DLC1: variants seen among roughly 807,000 people sequenced by gnomAD.
The protein encoded by DLC1 is rho GTPase-activating protein 7.
DLC1 carries 54 observed loss-of-function variants against 140.3 expected under a neutral mutation model. The observed-to-expected ratio is 0.38, with a 90% CI of 0.31 to 0.48. DLC1 has a LOEUF of 0.48. Among genes scored for constraint, DLC1 ranks in the 20% least tolerant of loss-of-function variants. The pLI is 0.96. For synonymous variants in DLC1, 986 were observed against 728.1 expected, an observed-to-expected ratio of 1.35 and a Z score of -5.70; for missense variants, 2,536 against 1,907.0, an observed-to-expected ratio of 1.33 and a Z score of -6.14.
At position 13,349,164 on chromosome 8, in the gene DLC1, G is replaced by A. The variant is rs548839029; in HGVS notation, c.1315-43862C>T. 1.5e-4 allele frequency among the ~76,000 whole-genome samples: 23 copies of A among 152,274 alleles called. No homozygotes were observed. The South Asian group carries it at 4.6e-3, about 30-fold the overall frequency. On this transcript the variant is annotated intron_variant, in intron 4 of 17. Coordinates refer to ENST00000276297, the MANE Select transcript of DLC1 (RefSeq NM_182643.3). ...GGATGTTGGGCAGAGCTGAGGGCAG[G>A]ATGAGGTGCAATGGGGGAAATATCA...
Position 13,498,752 on chromosome 8 carries a change from T to G in DLC1, c.1023+297A>C, listed in dbSNP as rs534694594. On this transcript the variant is annotated intron_variant, in intron 2 of 17. Coordinates refer to ENST00000276297, the MANE Select transcript of DLC1 (RefSeq NM_182643.3). ...TTGAATTGCATGTCTATGAGCTATC[T>G]AGTGGCTATTTAATTCCAACTAAAG... 4 of 269,412 alleles carry G rather than the reference T, an allele frequency of 1.5e-5. No individual in the cohort carries two copies. In the East Asian group the frequency reaches 2.7e-4, roughly 18 times the overall value. The allele number at this position is 269,412 out of a possible 1,614,324, so 16.7% of individuals were successfully genotyped here. A position where few individuals can be genotyped will look rare whatever the true frequency, so the allele number is the denominator to read the frequency against.
At chr8:13,552,818 A>C (rs1204260321) in intron 1 of DLC1, among the ~76,000 whole-genome samples, 1 of 152,006 alleles carries the variant, frequency 6.6e-6, no homozygotes, top group Non-Finnish European at 1.5e-5. Context: ...TTATTAAAAG[A>C]AAGTACAAAG....
At chr8:13,472,517 A>G (rs1800253786) in intron 2 of DLC1, among the ~76,000 whole-genome samples, 1 of 152,198 alleles carries the variant, frequency 6.6e-6, no homozygotes, top group East Asian at 1.9e-4. Context: ...GGAATCCTTG[A>G]CATACTGTGA....
At chr8:13,225,792 T>G (rs1246727098) in intron 5 of DLC1, among the ~76,000 whole-genome samples, 2 of 152,012 alleles carry the variant, frequency 1.3e-5, no homozygotes, top group African/African-American at 4.8e-5. Flanking sequence ...ATTTTTTGTA[T>G]TTTTAGTAGA....
chr8:13,459,432 A>G (rs1799557696), intron 2 of DLC1, among the ~76,000 whole-genome samples: 3 of 152,208 alleles, frequency 2.0e-5, no homozygotes, highest in Non-Finnish European at 4.4e-5. Context: ...GTTGTGAAAG[A>G]AAGGTTTTTT....
At chr8:13,532,761 C>T (rs1157537133) in intron 1 of DLC1, among the ~76,000 whole-genome samples, 1 of 152,134 alleles carries the variant, frequency 6.6e-6, no homozygotes, top group Non-Finnish European at 1.5e-5. Context: ...AAGCACAAAG[C>T]TCTTAACCAC....
At chr8:13,217,830 T>G (rs1003882816) in intron 5 of DLC1, among the ~76,000 whole-genome samples, 18 of 150,242 alleles carry the variant, frequency 1.2e-4, no homozygotes, top group Non-Finnish European at 1.6e-4. Context: ...AGAGTGAGAC[T>G]CCATTTCAAA....
chr8:13,565,068 T>C (rs1207421405), intron 1 of DLC1, among the ~76,000 whole-genome samples: 2 of 152,214 alleles, frequency 1.3e-5, no homozygotes, highest in East Asian at 3.9e-4. Context: ...TGAATCTTAT[T>C]TGATAAATAT....
At chr8:13,530,007 T>C (rs1803046025) in intron 1 of DLC1, among the ~76,000 whole-genome samples, 1 of 152,140 alleles carries the variant, frequency 6.6e-6, no homozygotes, top group Non-Finnish European at 1.5e-5. Flanking sequence ...TTTTGAGTAG[T>C]GGAGGATGCG....
chr8:13,367,740 C>T (rs1278540353), intron 4 of DLC1, among the ~76,000 whole-genome samples: 1 of 152,108 alleles, frequency 6.6e-6, no homozygotes, highest in Non-Finnish European at 1.5e-5. Flanking sequence ...TTTGTTTCAT[C>T]TGAAATTGGT....
chr8:13,088,283 T>C (rs1275185474), intron 16 of DLC1, among the ~76,000 whole-genome samples: 1 of 152,188 alleles, frequency 6.6e-6, no homozygotes, highest in Non-Finnish European at 1.5e-5. Context: ...GGTCTTGCTA[T>C]ATTACCCAGG....
intron 5 of DLC1, among the ~76,000 whole-genome samples, chr8:13,196,570 G>T (rs1482237545): frequency 6.6e-6 from 1 of 152,052 alleles, no homozygotes; most frequent in Admixed American, 6.6e-5. Context: ...TGATTCTGTG[G>T]TTCTATGATT....
At chr8:13,159,041 G>A (rs1824487880) in intron 5 of DLC1, among the ~76,000 whole-genome samples, 1 of 152,158 alleles carries the variant, frequency 6.6e-6, no homozygotes, top group Non-Finnish European at 1.5e-5. Flanking sequence ...TGTAATTAGT[G>A]AAGCAGGCAG....
chr8:13,099,739 G>A lies in DLC1; in HGVS notation c.2598C>T (p.Arg866=). The part of the protein sequence containing the change: ...SSDSPKELKR[R]NSSSSMSSRL... ...GGCTGCTCATGGAGCTGGAAGAATT[G>A]CGTCTCTTCAGTTCCTTGGGGCTGT... The change falls in exon 9 of 18, where the codon CGC becomes CGT. Residue 866 remains arginine, a synonymous_variant. Transcript: ENST00000276297. 1.2e-6 allele frequency: 2 copies of A among 1,614,186 alleles called. No individual in the cohort carries two copies. The highest frequency in any genetic ancestry group is 1.7e-6 in the Non-Finnish European group (2 of 1,180,036).
intron 2 of DLC1, among the ~76,000 whole-genome samples, chr8:13,474,472 G>A (rs1449041951): frequency 1.3e-5 from 2 of 152,156 alleles, no homozygotes; most frequent in East Asian, 3.9e-4. Context: ...TCCCTACTGG[G>A]GCACTGCCTA....
chr8:13,438,685 ATCT>A (rs1839231433), intron 2 of DLC1, among the ~76,000 whole-genome samples: 1 of 151,872 alleles, frequency 6.6e-6, no homozygotes, highest in Non-Finnish European at 1.5e-5. Flanking sequence ...GCCTCCCCTA[ATCT>A]TCTGATTTTC....
At chr8:13,169,539 G>T (rs1163659665) in intron 5 of DLC1, among the ~76,000 whole-genome samples, 1 of 152,150 alleles carries the variant, frequency 6.6e-6, no homozygotes, top group East Asian at 1.9e-4. Context: ...TATTGGTCAA[G>T]TGAGGGGGTA....
chr8:13,119,100 A>G (rs899051361), intron 5 of DLC1, among the ~76,000 whole-genome samples: 4 of 152,026 alleles, frequency 2.6e-5, no homozygotes, highest in African/African-American at 9.6e-5. Flanking sequence ...ATGGTGGCAC[A>G]TGCCTGTTGT....
At chr8:13,334,462 C>A (rs978312323) in intron 4 of DLC1, among the ~76,000 whole-genome samples, 1 of 152,082 alleles carries the variant, frequency 6.6e-6, no homozygotes, top group Non-Finnish European at 1.5e-5. Context: ...GATTAATAAG[C>A]AGAAAGATCA....
Sources: gnomAD v4.1 joint callset for allele counts (sites outside exome capture counted in the v4.1 genomes callset) on GRCh38, gnomAD v4.1.1 for gene constraint, MANE v1.5 for transcripts, NCBI Gene and HGNC (gene_info 2026-07-23, HGNC 2026-07-21) for gene names.